The following TRAM2 variants were observed in gnomAD, a reference collection of about 807,000 sequenced individuals.
TRAM2 encodes translocation associated membrane protein 2, also known as translocating chain-associated membrane protein 2.
In TRAM2, 12 loss-of-function variants were observed where a neutral mutation model predicts 51.0. The observed-to-expected ratio is 0.24, with a 90% confidence interval of 0.15 to 0.38. The LOEUF (loss-of-function observed/expected upper bound fraction) is 0.38, where lower values mean the gene tolerates loss of function less well. TRAM2 is among the 10% of genes least tolerant of loss of function. TRAM2 has a pLI of 1.00. For missense variants in TRAM2, 361 were observed against 462.0 expected (o/e 0.78, Z 2.00); for synonymous variants, 175 against 179.4 (o/e 0.98, Z 0.20).
intron 1 of TRAM2, among the ~76,000 whole-genome samples, chr6:52,540,879 G>A (rs1051101847): frequency 6.6e-6 from 1 of 152,232 alleles, no homozygotes; most frequent in Non-Finnish European, 1.5e-5. Flanking sequence ...ACTGAATTAT[G>A]TAGGAAGGGT....
chr6:52,571,056 T>TAC (rs762200891), intron 1 of TRAM2, among the ~76,000 whole-genome samples: 8 of 151,848 alleles, frequency 5.3e-5, no homozygotes, highest in Non-Finnish European at 8.8e-5. Flanking sequence ...ACCATGTTAG[T>TAC]ACTTTTACTG....
At chr6:52,571,424 T>C (rs1399745088) in intron 1 of TRAM2, among the ~76,000 whole-genome samples, 8 of 152,182 alleles carry the variant, frequency 5.3e-5, no homozygotes, top group African/African-American at 2.4e-5. Flanking sequence ...AGGCACTCTG[T>C]TGTGACCGGT....
At chr6:52,512,050 A>C (rs571962001) in intron 4 of TRAM2, among the ~76,000 whole-genome samples, 1 of 152,242 alleles carries the variant, frequency 6.6e-6, no homozygotes, top group East Asian at 1.9e-4. Flanking sequence ...TGCCTTCATC[A>C]GCTCTCCTGC....
chr6:52,507,425 C>A, intron 7 of TRAM2, 128 bp downstream of exon 7: 1 of 887,828 alleles, frequency 1.1e-6, no homozygotes, highest in Non-Finnish European at 1.7e-6. Flanking sequence ...CTTTGTATTG[C>A]CAAGTCTTAG....
chr6:52,560,593 C>T (rs1457496315), intron 1 of TRAM2, among the ~76,000 whole-genome samples: 1 of 152,204 alleles, frequency 6.6e-6, no homozygotes, highest in Admixed American at 6.5e-5. Flanking sequence ...ACGAAGTCTG[C>T]CGTTAGAGCA....
intron 1 of TRAM2, among the ~76,000 whole-genome samples, chr6:52,560,466 T>C (rs570696773): frequency 6.6e-6 from 1 of 152,360 alleles, no homozygotes; most frequent in African/African-American, 2.4e-5. Flanking sequence ...TATCAGTCCA[T>C]GTCAACACAG....
At chr6:52,511,945 G>A (rs553983617) in intron 4 of TRAM2, among the ~76,000 whole-genome samples, 3 of 152,238 alleles carry the variant, frequency 2.0e-5, no homozygotes, top group Non-Finnish European at 4.4e-5. Flanking sequence ...TGAGGCTCTC[G>A]GGTGGTGGCG....
At chr6:52,523,896 C>T (rs60239802) in intron 2 of TRAM2, 24,752 of 152,262 alleles carry the variant, frequency 0.16, 2,083 homozygotes, top group African/African-American at 0.18. Context: ...GCATCAGTAA[C>T]ACCTGTGAGC....
chr6:52,567,815 ATTTG>A (rs1767613037), intron 1 of TRAM2, among the ~76,000 whole-genome samples: 1 of 152,236 alleles, frequency 6.6e-6, no homozygotes, highest in South Asian at 2.1e-4. Flanking sequence ...CCAACCCCAA[ATTTG>A]TGCTAGAATC....
At chr6:52,544,586 A>G (rs1767164519) in intron 1 of TRAM2, among the ~76,000 whole-genome samples, 1 of 152,226 alleles carries the variant, frequency 6.6e-6, no homozygotes, top group Admixed American at 6.5e-5. Context: ...GTTTGAGTCC[A>G]TCTTGCTCGA....
At position 52,561,724 on chromosome 6, in the gene TRAM2, C is replaced by T. The variant is rs375653635; in HGVS notation, c.120+15072G>A. ...CCAGGATGGTCTCATCTCCTGACCT[C>T]GTGATCCACCCGCCTCGGCCTCCCA... On this transcript the variant is annotated intron_variant, in intron 1 of 10. Coordinates refer to ENST00000182527, the MANE Select transcript of TRAM2 (RefSeq NM_012288.4). Among the ~76,000 whole-genome samples, 797 of 152,134 alleles carry T rather than the reference C, an allele frequency of 5.2e-3. 10 individuals are homozygous for T. The highest frequency in any genetic ancestry group is 0.018 in the African/African-American group (736 of 41,530).
chr6:52,538,322 T>G (rs1164506061), intron 1 of TRAM2, among the ~76,000 whole-genome samples: 1 of 152,182 alleles, frequency 6.6e-6, no homozygotes, highest in African/African-American at 2.4e-5. Flanking sequence ...TCTCCTCTCT[T>G]AATGGCACCA....
At chr6:52,557,525 G>A (rs1767430905) in intron 1 of TRAM2, among the ~76,000 whole-genome samples, 1 of 152,176 alleles carries the variant, frequency 6.6e-6, no homozygotes, top group African/African-American at 2.4e-5. Flanking sequence ...GTTAAGTACA[G>A]GAGTCGGTAA....
chr6:52,518,356 G>A (rs903984885), intron 2 of TRAM2, among the ~76,000 whole-genome samples: 1 of 152,234 alleles, frequency 6.6e-6, no homozygotes, highest in African/African-American at 2.4e-5. Context: ...ACCGTGGTGA[G>A]CGGCGGGCTG....
chr6:52,535,062 G>A (rs1397233139), intron 2 of TRAM2, among the ~76,000 whole-genome samples: 1 of 152,190 alleles, frequency 6.6e-6, no homozygotes, highest in Admixed American at 6.5e-5. Context: ...AACCCAGTCA[G>A]AGTGCAGCAC....
At chr6:52,574,424 A>T (rs543011969) in intron 1 of TRAM2, among the ~76,000 whole-genome samples, 1 of 152,234 alleles carries the variant, frequency 6.6e-6, no homozygotes, top group African/African-American at 2.4e-5. Context: ...CCATGTGCCC[A>T]GCACAGAAGA....
chr6:52,537,037 T>C (rs1442170034), intron 1 of TRAM2, among the ~76,000 whole-genome samples: 1 of 152,196 alleles, frequency 6.6e-6, no homozygotes, highest in Non-Finnish European at 1.5e-5. Flanking sequence ...GAGAGGTCAC[T>C]ATCCTCAGCT....
intron 1 of TRAM2, among the ~76,000 whole-genome samples, chr6:52,551,256 C>T (rs568821758): frequency 1.3e-5 from 2 of 151,934 alleles, no homozygotes; most frequent in African/African-American, 2.4e-5. Flanking sequence ...AAAACATATC[C>T]GTTATGAATG....
At chr6:52,505,030 A>G (rs1209296085) in intron 9 of TRAM2, among the ~76,000 whole-genome samples, 1 of 152,256 alleles carries the variant, frequency 6.6e-6, no homozygotes, top group Non-Finnish European at 1.5e-5. Flanking sequence ...TCCTATGACG[A>G]GGGAGGGGTC....
Sources: gnomAD v4.1 joint callset for allele counts (sites outside exome capture counted in the v4.1 genomes callset) on GRCh38, gnomAD v4.1.1 for gene constraint, MANE v1.5 for transcripts, NCBI Gene and HGNC (gene_info 2026-07-23, HGNC 2026-07-21) for gene names.